Variants in NRXN3 observed in about 807,000 individuals in gnomAD.
NRXN3 encodes the protein neurexin 3.
Under a neutral mutation model 137.6 loss-of-function variants are expected in NRXN3, and 32 were observed. That is an observed-to-expected ratio of 0.23 (90% CI 0.18 to 0.31). The LOEUF (loss-of-function observed/expected upper bound fraction) is 0.31, where lower values mean the gene tolerates loss of function less well. Among genes scored for constraint, NRXN3 ranks in the 10% least tolerant of loss-of-function variants. NRXN3 has a pLI of 1.00. For synonymous variants in NRXN3, 798 were observed against 784.5 expected (o/e 1.02, Z -0.29); for missense variants, 1,574 against 2,062.5 (o/e 0.76, Z 4.59).
intron 15 of NRXN3, among the ~76,000 whole-genome samples, chr14:79,384,505 C>T (rs1482181831): frequency 2.0e-5 from 3 of 152,062 alleles, no homozygotes; most frequent in African/African-American, 7.2e-5. Flanking sequence ...TTTGGTTGAA[C>T]GATACAGGAA....
At chr14:79,662,802 A>G (rs1344935359) in intron 16 of NRXN3, among the ~76,000 whole-genome samples, 1 of 152,062 alleles carries the variant, frequency 6.6e-6, no homozygotes, top group Non-Finnish European at 1.5e-5. Context: ...AGATCTCATA[A>G]GAACTCACTC....
intron 10 of NRXN3, among the ~76,000 whole-genome samples, chr14:78,811,888 G>T (rs1399378603): frequency 1.3e-5 from 2 of 152,020 alleles, no homozygotes; most frequent in Non-Finnish European, 1.5e-5. Context: ...TATTTTCTGT[G>T]TTTAAATATT....
chr14:78,382,611 T>C (rs887173999), intron 4 of NRXN3, among the ~76,000 whole-genome samples: 1 of 152,192 alleles, frequency 6.6e-6, no homozygotes, highest in Non-Finnish European at 1.5e-5. Flanking sequence ...AAGTGAGATA[T>C]GGCTAAATGT....
intron 10 of NRXN3, among the ~76,000 whole-genome samples, chr14:78,898,557 G>C: frequency 2.8e-5 from 1 of 35,378 alleles, no homozygotes; most frequent in Non-Finnish European, 4.4e-5. Flanking sequence ...TGGGTTTCGT[G>C]TGTGTGTGTG....
At chr14:79,749,955 CAG>C (rs1441394906) in intron 19 of NRXN3, among the ~76,000 whole-genome samples, 1 of 152,128 alleles carries the variant, frequency 6.6e-6, no homozygotes, top group Non-Finnish European at 1.5e-5. Flanking sequence ...TCTGAGCACA[CAG>C]AATTCTAACT....
At chr14:78,983,479 A>G (rs1233975530) in intron 14 of NRXN3, among the ~76,000 whole-genome samples, 1 of 152,066 alleles carries the variant, frequency 6.6e-6, no homozygotes, top group African/African-American at 2.4e-5. Context: ...TGATTGGGGT[A>G]TTTGTTTTCT....
At chr14:79,809,110 C>T (rs547634578) in intron 20 of NRXN3, among the ~76,000 whole-genome samples, 6 of 152,236 alleles carry the variant, frequency 3.9e-5, no homozygotes, top group Non-Finnish European at 5.9e-5. Context: ...TAGGATTTGT[C>T]GACTAAATTA....
chr14:78,960,719 C>T (rs918718746), intron 11 of NRXN3, among the ~76,000 whole-genome samples: 1 of 152,198 alleles, frequency 6.6e-6, no homozygotes, highest in Non-Finnish European at 1.5e-5. Context: ...GAACTTCTTG[C>T]TAGTACAAAA....
chr14:79,312,393 GA>G (rs1400812117), intron 15 of NRXN3, among the ~76,000 whole-genome samples: 1 of 67,424 alleles, frequency 1.5e-5, no homozygotes. Flanking sequence ...GTGTGGTGCT[GA>G]AAAAAATGTA....
At chr14:79,423,374 C>T (rs1600090132) in intron 15 of NRXN3, among the ~76,000 whole-genome samples, 1 of 152,144 alleles carries the variant, frequency 6.6e-6, no homozygotes, top group East Asian at 1.9e-4. Context: ...ATCTTTATCC[C>T]AACCTATTGG....
chr14:78,360,101 C>A lies in NRXN3; in HGVS notation c.757+62241C>A, dbSNP rs76307355. Among the ~76,000 whole-genome samples the A allele has an allele frequency of 1.0e-2, 1,520 of 152,294 alleles. 22 individuals are homozygous for A. The highest frequency in any genetic ancestry group is 0.034 in the African/African-American group (1,413 of 41,552). On this transcript the variant is annotated intron_variant, in intron 4 of 20. Transcript: ENST00000335750. ...ACTCTTTGCAGCTTAGCTCGCAACACCCCAGCTTCCTGAAAGGGCTTTCTT... is the reference window on the plus strand; with the variant it reads ...ACTCTTTGCAGCTTAGCTCGCAACAACCCAGCTTCCTGAAAGGGCTTTCTT...
At chr14:79,526,543 A>T (rs1223126821) in intron 16 of NRXN3, among the ~76,000 whole-genome samples, 2 of 152,160 alleles carry the variant, frequency 1.3e-5, no homozygotes, top group South Asian at 4.1e-4. Context: ...TCATGTATTC[A>T]TTAGAATTGA....
At chr14:78,618,777 G>T (rs913203959) in intron 4 of NRXN3, among the ~76,000 whole-genome samples, 17 of 152,126 alleles carry the variant, frequency 1.1e-4, no homozygotes, top group African/African-American at 4.1e-4. Flanking sequence ...TTTATTCAAG[G>T]ATACCCTGTT....
chr14:79,249,309 C>A (rs1466150476), intron 15 of NRXN3, among the ~76,000 whole-genome samples: 1 of 151,882 alleles, frequency 6.6e-6, no homozygotes, highest in East Asian at 1.9e-4. Context: ...GTTGACTGAC[C>A]AAGGAGAGTT....
At chr14:79,030,172 C>T (rs939558176) in intron 15 of NRXN3, among the ~76,000 whole-genome samples, 4 of 151,538 alleles carry the variant, frequency 2.6e-5, no homozygotes, top group Non-Finnish European at 2.9e-5. Flanking sequence ...TGAGCCACCA[C>T]GCCTGGCCCA....
chr14:79,673,288 T>C (rs1367760339), intron 17 of NRXN3, among the ~76,000 whole-genome samples: 1 of 152,122 alleles, frequency 6.6e-6, no homozygotes, highest in East Asian at 1.9e-4. Flanking sequence ...CACACGGTAC[T>C]TTTACAGCCT....
At chr14:79,142,948 G>GA (rs1721098448) in intron 15 of NRXN3, among the ~76,000 whole-genome samples, 1 of 152,136 alleles carries the variant, frequency 6.6e-6, no homozygotes, top group Non-Finnish European at 1.5e-5. Context: ...ATAACTAAGG[G>GA]AAATATATTA....
At chr14:79,598,166 G>A (rs959264446) in intron 16 of NRXN3, among the ~76,000 whole-genome samples, 4 of 152,176 alleles carry the variant, frequency 2.6e-5, no homozygotes, top group African/African-American at 9.7e-5. Flanking sequence ...AATAGATAAA[G>A]AGATATTGCA....
chr14:78,294,347 G>A (rs757990687), intron 3 of NRXN3, among the ~76,000 whole-genome samples: 1 of 152,120 alleles, frequency 6.6e-6, no homozygotes, highest in African/African-American at 2.4e-5. Context: ...CTGAGGTCAG[G>A]AGTTCGAGAC....
Sources: gnomAD v4.1 joint callset for allele counts (sites outside exome capture counted in the v4.1 genomes callset) on GRCh38, gnomAD v4.1.1 for gene constraint, MANE v1.5 for transcripts, NCBI Gene and HGNC (gene_info 2026-07-23, HGNC 2026-07-21) for gene names.